Variants in ALKAL1 observed in about 807,000 individuals in gnomAD.
The protein encoded by ALKAL1 is AUG-beta.
ALKAL1 carries 23 observed loss-of-function variants against 13.5 expected under a neutral mutation model. The observed-to-expected ratio is 1.70, with a 90% CI of 1.23 to 2.41. ALKAL1 has a LOEUF of 2.41. ALKAL1 is among the 30% of genes most tolerant of loss of function. ALKAL1 has a pLI of 0.00. For missense variants in ALKAL1, 181 were observed against 178.4 expected (o/e 1.01, Z -0.08); for synonymous variants, 85 against 77.7 (o/e 1.09, Z -0.49).
chr8:52,565,236 G>T lies in ALKAL1; in HGVS notation c.21C>A (p.Gly7=). ...GCAGGAAGAGTGCGGGCAAAGGGGC[G>T]CCGGGCTTAAGGGGCCGCATGTTCG... MRPLKP[G]APLPALFLLA... Residue 7 remains glycine, a synonymous_variant, in exon 1 of 5, where the codon GGC becomes GGA. Transcript: ENST00000358543. 3 of 1,322,556 alleles carry T rather than the reference G, an allele frequency of 2.3e-6. No individual in the cohort carries two copies. The highest frequency in any genetic ancestry group is 4.3e-5 in the South Asian group (2 of 46,262). The allele number at this position is 1,322,556 out of a possible 1,614,324, so 81.9% of individuals were successfully genotyped here.
intron 1 of ALKAL1, among the ~76,000 whole-genome samples, chr8:52,552,007 A>G (rs964892416): frequency 6.6e-6 from 1 of 152,124 alleles, no homozygotes; most frequent in Non-Finnish European, 1.5e-5. Flanking sequence ...CTTACTCACT[A>G]AAGTCCATAC....
Position 52,565,180 on chromosome 8 carries a change from T to C in ALKAL1, c.77A>G (p.His26Arg). Residue 26 changes from histidine (H) to arginine (R), a missense_variant, in exon 1 of 5, where the codon CAC (histidine) becomes CGC (arginine). By Grantham distance (29) the His-to-Arg change is conservative. Transcript: ENST00000358543. ...LALALSPHGA[H>R]GRPRGRRGAR... ...TCCCCTGCGCCCCCGGGGCCTCCCG[T>C]GGGCTCCGTGCGGGGACAAAGCCAG... The C allele has an allele frequency of 2.2e-6, 3 of 1,376,930 alleles. No homozygotes were observed. Among genetic ancestry groups the C allele is most frequent in the Non-Finnish European group, 2.8e-6 (3 of 1,056,722 alleles). 85.3% of individuals were successfully genotyped at this position (1,376,930 alleles called of 1,614,324 possible). A position where few individuals can be genotyped will look rare whatever the true frequency, so the allele number is the denominator to read the frequency against.
intron 1 of ALKAL1, among the ~76,000 whole-genome samples, chr8:52,554,130 A>T (rs1394300011): frequency 6.6e-6 from 1 of 152,214 alleles, no homozygotes; most frequent in Admixed American, 6.5e-5. Context: ...AGGCTGAGGC[A>T]GGGGAATCGC....
intron 4 of ALKAL1, among the ~76,000 whole-genome samples, chr8:52,536,745 A>C (rs1847270082): frequency 1.3e-5 from 2 of 152,202 alleles, no homozygotes; most frequent in African/African-American, 4.8e-5. Context: ...ACTTTTGTTA[A>C]TCTAATGCCT....
intron 1 of ALKAL1, among the ~76,000 whole-genome samples, chr8:52,547,319 G>A (rs567771702): frequency 2.6e-5 from 4 of 152,042 alleles, no homozygotes; most frequent in South Asian, 2.1e-4. Flanking sequence ...CCAACATGGC[G>A]AAACCCCATC....
intron 1 of ALKAL1, among the ~76,000 whole-genome samples, chr8:52,558,529 C>T (rs1847507294): frequency 6.6e-6 from 1 of 152,002 alleles, no homozygotes; most frequent in Non-Finnish European, 1.5e-5. Flanking sequence ...AACTCTCTTG[C>T]CATGTCCCTG....
intron 1 of ALKAL1, among the ~76,000 whole-genome samples, chr8:52,548,045 A>G (rs558926591): frequency 6.6e-6 from 1 of 152,176 alleles, no homozygotes; most frequent in African/African-American, 2.4e-5. Context: ...GTTGGACGGC[A>G]TAAGTCTGAA....
At chr8:52,555,158 G>A (rs182499273) in intron 1 of ALKAL1, among the ~76,000 whole-genome samples, 119 of 148,458 alleles carry the variant, frequency 8.0e-4, no homozygotes, top group African/African-American at 1.7e-3. Flanking sequence ...GTGACAGAGC[G>A]AGACTCTGTC....
intron 1 of ALKAL1, among the ~76,000 whole-genome samples, chr8:52,561,913 T>A (rs1415675338): frequency 6.6e-6 from 1 of 152,184 alleles, no homozygotes; most frequent in South Asian, 2.1e-4. Flanking sequence ...ACATCAATAG[T>A]TGCTAACAGT....
chr8:52,538,064 G>T (rs1248590756), intron 4 of ALKAL1, among the ~76,000 whole-genome samples: 1 of 151,314 alleles, frequency 6.6e-6, no homozygotes, highest in African/African-American at 2.4e-5. Flanking sequence ...ACTCCAGCCT[G>T]GCGACAGAGC....
At chr8:52,546,712 A>G (rs1290095203) in intron 1 of ALKAL1, among the ~76,000 whole-genome samples, 4 of 152,256 alleles carry the variant, frequency 2.6e-5, no homozygotes, top group African/African-American at 9.6e-5. Context: ...GCTCCAGCCA[A>G]TGGATGCAGG....
At chr8:52,541,711 G>A (rs187890199) in intron 2 of ALKAL1, among the ~76,000 whole-genome samples, 40 of 152,190 alleles carry the variant, frequency 2.6e-4, no homozygotes, top group African/African-American at 6.5e-4. Flanking sequence ...AGCCGAGATC[G>A]TGCCACCGCG....
At chr8:52,541,944 A>G (rs1196326151) in intron 2 of ALKAL1, among the ~76,000 whole-genome samples, 1 of 151,824 alleles carries the variant, frequency 6.6e-6, no homozygotes, top group Non-Finnish European at 1.5e-5. Flanking sequence ...CTACCTTTCC[A>G]GCCACATATT....
intron 1 of ALKAL1, among the ~76,000 whole-genome samples, chr8:52,554,996 C>T (rs934098060): frequency 2.6e-5 from 4 of 151,998 alleles, no homozygotes; most frequent in African/African-American, 9.7e-5. Context: ...ACGGAGAAAC[C>T]CCATCTCTAC....
chr8:52,562,876 G>A (rs1590871788), intron 1 of ALKAL1, among the ~76,000 whole-genome samples: 2 of 152,102 alleles, frequency 1.3e-5, no homozygotes, highest in Non-Finnish European at 1.5e-5. Flanking sequence ...AGTGCACCCC[G>A]TGAGAACATC....
Position 52,550,600 on chromosome 8 carries a change from C to T in ALKAL1, c.191-8155G>A, listed in dbSNP as rs182957773. ...TTATATCAACAGAGACTTGCTATCT[C>T]GCAGTTCTGGAGGCAAGAAGTCTGA... On this transcript the variant is annotated intron_variant, in intron 1 of 4. Transcript: ENST00000358543. Among the ~76,000 whole-genome samples, 13 of 152,288 alleles carry T rather than the reference C, an allele frequency of 8.5e-5. 1 individual carries two copies. The highest frequency in any genetic ancestry group is 4.6e-4 in the Admixed American group (7 of 15,298).
intron 1 of ALKAL1, among the ~76,000 whole-genome samples, chr8:52,551,917 C>T (rs1276242720): frequency 1.3e-5 from 2 of 152,000 alleles, no homozygotes; most frequent in South Asian, 2.1e-4. Flanking sequence ...TCCCATATGC[C>T]CTGCCCTGGT....
At chr8:52,558,652 G>A (rs1036638176) in intron 1 of ALKAL1, among the ~76,000 whole-genome samples, 1 of 151,918 alleles carries the variant, frequency 6.6e-6, no homozygotes, top group African/African-American at 2.4e-5. Context: ...CTCGTTTATA[G>A]GCATTGGCTG....
intron 1 of ALKAL1, among the ~76,000 whole-genome samples, chr8:52,543,864 T>C (rs1228367208): frequency 6.6e-6 from 1 of 152,196 alleles, no homozygotes; most frequent in Non-Finnish European, 1.5e-5. Context: ...TAAATAATTC[T>C]ATTTCCAAAA....
Sources: allele counts gnomAD v4.1 joint callset (sites outside exome capture counted in the v4.1 genomes callset), GRCh38; gene constraint gnomAD v4.1.1; transcripts MANE v1.5; gene names NCBI Gene and HGNC (gene_info 2026-07-23, HGNC 2026-07-21).